The following AMPH variants were observed in gnomAD, a reference collection of about 807,000 sequenced individuals.
AMPH encodes the protein amphiphysin.
Under a neutral mutation model 99.1 loss-of-function variants are expected in AMPH, and 49 were observed. That is an observed-to-expected ratio of 0.49 (90% confidence interval 0.39 to 0.63). AMPH has a LOEUF of 0.63. Among genes scored for constraint, AMPH ranks in the 20% least tolerant of loss-of-function variants. The pLI is 0.00. For missense variants in AMPH, 759 were observed against 863.4 expected, an observed-to-expected ratio of 0.88 and a Z score of 1.52; for synonymous variants, 314 against 317.3, an observed-to-expected ratio of 0.99 and a Z score of 0.11.
chr7:38,629,454 A>G (rs1405276602), intron 1 of AMPH, among the ~76,000 whole-genome samples: 1 of 152,212 alleles, frequency 6.6e-6, no homozygotes, highest in East Asian at 1.9e-4. Context: ...ACCACCATCC[A>G]CAACTGCAGT....
At chr7:38,563,006 G>A (rs1242698039) in intron 1 of AMPH, among the ~76,000 whole-genome samples, 2 of 152,100 alleles carry the variant, frequency 1.3e-5, no homozygotes, top group Non-Finnish European at 2.9e-5. Context: ...GCACCCAGTT[G>A]GGAAACCAAT....
At chr7:38,441,051 T>C (rs951111712) in intron 11 of AMPH, among the ~76,000 whole-genome samples, 13 of 151,590 alleles carry the variant, frequency 8.6e-5, no homozygotes, top group African/African-American at 3.2e-4. Flanking sequence ...TAGACACAAA[T>C]AGGTTCAAAG....
At chr7:38,599,719 G>T (rs986115281) in intron 1 of AMPH, among the ~76,000 whole-genome samples, 1 of 151,546 alleles carries the variant, frequency 6.6e-6, no homozygotes, top group Admixed American at 6.6e-5. Flanking sequence ...CATCAAATTT[G>T]GTCTGTATTT....
chr7:38,471,403 C>A (rs987219489), intron 7 of AMPH, among the ~76,000 whole-genome samples: 16 of 152,142 alleles, frequency 1.1e-4, no homozygotes, highest in Non-Finnish European at 1.8e-4. Flanking sequence ...TCCTTTACAA[C>A]CTGCAATCAT....
chr7:38,436,790 A>G (rs979434155), intron 11 of AMPH, among the ~76,000 whole-genome samples: 14 of 152,376 alleles, frequency 9.2e-5, no homozygotes, highest in African/African-American at 3.1e-4. Flanking sequence ...ATCTGGACTC[A>G]TTATAGCAAT....
intron 11 of AMPH, among the ~76,000 whole-genome samples, chr7:38,448,773 C>T (rs75738729): frequency 6.6e-6 from 1 of 152,172 alleles, no homozygotes; most frequent in South Asian, 2.1e-4. Flanking sequence ...TGTTCTCTCA[C>T]ATTTGCTTTA....
Position 38,559,796 on chromosome 7 carries a change from G to A in AMPH, c.70-24785C>T, listed in dbSNP as rs561284874. Among the ~76,000 whole-genome samples the A allele has an allele frequency of 8.9e-4, 136 of 152,218 alleles. 1 individual carries two copies. The Middle Eastern group carries it at 0.024, about 27-fold the overall frequency. ...ACTAGAATTCCAGATCTGTGCTTTCGATAACCTATTCCTGCTTCAGTATGC... is the reference window on the plus strand; with the variant it reads ...ACTAGAATTCCAGATCTGTGCTTTCAATAACCTATTCCTGCTTCAGTATGC... On this transcript the variant is annotated intron_variant, in intron 1 of 20. Coordinates refer to ENST00000356264, the MANE Select transcript of AMPH (RefSeq NM_001635.4).
At chr7:38,458,134 G>A (rs192033153) in intron 11 of AMPH, among the ~76,000 whole-genome samples, 17 of 152,180 alleles carry the variant, frequency 1.1e-4, no homozygotes, top group Non-Finnish European at 2.1e-4. Flanking sequence ...CACTATCTGG[G>A]TGATGAGATC....
chr7:38,397,810 G>GA (rs71748486), intron 17 of AMPH, among the ~76,000 whole-genome samples: 6,477 of 152,056 alleles, frequency 0.043, 176 homozygotes, highest in Admixed American at 0.066. Context: ...ACTCTATGGG[G>GA]AAAAAATCTA....
intron 1 of AMPH, among the ~76,000 whole-genome samples, chr7:38,573,027 A>T (rs1306978259): frequency 6.6e-6 from 1 of 152,150 alleles, no homozygotes; most frequent in African/African-American, 2.4e-5. Flanking sequence ...TGTCATCATG[A>T]TTAGTGTTAT....
intron 1 of AMPH, among the ~76,000 whole-genome samples, chr7:38,578,460 C>T (rs1792326654): frequency 1.3e-5 from 2 of 152,034 alleles, no homozygotes; most frequent in South Asian, 4.1e-4. Context: ...TTAAATATTG[C>T]ATCATTTAAA....
At position 38,552,901 on chromosome 7, in the gene AMPH, G is replaced by C. The variant is rs1240149845; in HGVS notation, c.70-17890C>G. ...AATACATGTGCATTGAGACCTCCCA[G>C]AGACAAAGATGCAACCTTCTGCCAG... On this transcript the variant is annotated intron_variant, in intron 1 of 20. Coordinates refer to ENST00000356264, the MANE Select transcript of AMPH (RefSeq NM_001635.4). Among the ~76,000 whole-genome samples, 10 of 152,186 alleles carry C rather than the reference G, an allele frequency of 6.6e-5. No homozygotes were observed. The East Asian group carries it at 1.3e-3, about 21-fold the overall frequency.
At chr7:38,441,696 A>G (rs1169973728) in intron 11 of AMPH, among the ~76,000 whole-genome samples, 2 of 149,870 alleles carry the variant, frequency 1.3e-5, no homozygotes, top group Admixed American at 6.7e-5. Flanking sequence ...AATCAACATA[A>G]CTACCTATCA....
chr7:38,558,668 T>C (rs1286480436), intron 1 of AMPH, among the ~76,000 whole-genome samples: 1 of 152,154 alleles, frequency 6.6e-6, no homozygotes, highest in Admixed American at 6.5e-5. Context: ...GGTTAAGAGA[T>C]ATAAAACAAC....
chr7:38,481,701 C>G (rs1276148980), intron 5 of AMPH, among the ~76,000 whole-genome samples: 1 of 152,046 alleles, frequency 6.6e-6, no homozygotes, highest in Non-Finnish European at 1.5e-5. Context: ...CTTCATAGCC[C>G]TCACTGATGG....
intron 20 of AMPH, among the ~76,000 whole-genome samples, chr7:38,387,597 G>A (rs1784382638): frequency 6.6e-6 from 1 of 151,838 alleles, no homozygotes; most frequent in East Asian, 1.9e-4. Context: ...GACTACCAGA[G>A]AGAAATAGTG....
chr7:38,571,471 T>G (rs1257392625), intron 1 of AMPH, among the ~76,000 whole-genome samples: 1 of 131,312 alleles, frequency 7.6e-6, no homozygotes, highest in South Asian at 2.2e-4. Context: ...ATGGAATATA[T>G]TCTATAAAAT....
At chr7:38,494,809 G>A (rs2028210) in intron 3 of AMPH, among the ~76,000 whole-genome samples, 70,320 of 151,982 alleles carry the variant, frequency 0.46, 16,886 homozygotes, top group African/African-American at 0.59. Flanking sequence ...AATAATCATA[G>A]TGTGTCCTAT....
At chr7:38,544,353 T>C (rs989472409) in intron 1 of AMPH, among the ~76,000 whole-genome samples, 1 of 152,182 alleles carries the variant, frequency 6.6e-6, no homozygotes, top group Non-Finnish European at 1.5e-5. Context: ...GGACATCCCC[T>C]CCTTGTAAGA....
Sources: allele counts gnomAD v4.1 joint callset (sites outside exome capture counted in the v4.1 genomes callset), GRCh38; gene constraint gnomAD v4.1.1; transcripts MANE v1.5; gene names NCBI Gene and HGNC (gene_info 2026-07-23, HGNC 2026-07-21).